BCO2: variants seen among roughly 807,000 people sequenced by gnomAD.
The protein encoded by BCO2 is carotenoid-cleaving dioxygenase, mitochondrial.
BCO2 carries 56 observed loss-of-function variants against 65.8 expected under a neutral mutation model. The ratio of observed to expected loss-of-function variants is 0.85; its 90% CI spans 0.69 to 1.06. BCO2 has a LOEUF of 1.06. Ranked by LOEUF, BCO2 falls within the 50% of genes least tolerant of loss-of-function variation. The probability of loss-of-function intolerance (pLI) is 0.00; values close to 1 mark genes in which losing one functional copy is unlikely to be tolerated. For synonymous variants in BCO2, 233 were observed against 242.3 expected (o/e 0.96, Z 0.36); for missense variants, 675 against 698.5 (o/e 0.97, Z 0.38).
chr11:112,180,363 C>G (rs545248724), intron 2 of BCO2, among the ~76,000 whole-genome samples: 14 of 152,148 alleles, frequency 9.2e-5, no homozygotes, highest in African/African-American at 3.4e-4. Flanking sequence ...TATTTTAATT[C>G]TCTACACAGT....
chr11:112,188,656 G>A (rs1867276555), intron 2 of BCO2, among the ~76,000 whole-genome samples: 1 of 151,854 alleles, frequency 6.6e-6, no homozygotes, highest in Non-Finnish European at 1.5e-5. Flanking sequence ...CTCTGCAATT[G>A]GCAGACATCC....
At chr11:112,175,724 C>T (rs1325672805) in intron 1 of BCO2, 35 bp downstream of exon 1, 8 of 1,543,938 alleles carry the variant, frequency 5.2e-6, no homozygotes, top group Admixed American at 3.3e-5. Context: ...CCTCATCCTC[C>T]TCTTCTTGCC....
At chr11:112,194,596 T>C (rs1867506807) in intron 4 of BCO2, 57 bp from the exon 5 acceptor site, 7 of 982,386 alleles carry the variant, frequency 7.1e-6, no homozygotes, top group Non-Finnish European at 1.1e-5. Context: ...TTCTACTATT[T>C]ATGCATGTGA....
chr11:112,210,760 A>T (rs1178665939), intron 8 of BCO2, among the ~76,000 whole-genome samples: 1 of 3,432 alleles, frequency 2.9e-4, no homozygotes, highest in African/African-American at 2.1e-3. Flanking sequence ...ATACACGCAC[A>T]CACACACACA....
At chr11:112,201,038 C>T (rs911261841) in intron 7 of BCO2, among the ~76,000 whole-genome samples, 1 of 152,122 alleles carries the variant, frequency 6.6e-6, no homozygotes, top group Non-Finnish European at 1.5e-5. Flanking sequence ...TTAGCATGGA[C>T]TTTTTCCATA....
chr11:112,177,930 C>T (rs866994150), intron 1 of BCO2, among the ~76,000 whole-genome samples: 4 of 127,032 alleles, frequency 3.1e-5, no homozygotes, highest in East Asian at 2.3e-4. Flanking sequence ...TTTTTTGAGA[C>T]GAAGTTTCGC....
At chr11:112,217,699 A>T in intron 11 of BCO2, 62 bp from the exon 12 acceptor site, 1 of 1,196,028 alleles carries the variant, frequency 8.4e-7, no homozygotes, top group Non-Finnish European at 1.2e-6. Flanking sequence ...AGCTTAGTGG[A>T]GGAGACAGGC....
rs753688280 is a variant in BCO2 at position 112,214,963 on chromosome 11, C to T, written c.1515+19C>T. On this transcript the variant is annotated intron_variant, in intron 10 of 11. Coordinates refer to ENST00000357685, the MANE Select transcript of BCO2 (RefSeq NM_031938.7). ...ACTGAAGGTGATGAAAAACTCTTTC[C>T]TTTTTGAACTTTTCAGAGACCTGTT... is the stretch of plus-strand genomic sequence containing the variant. 6.2e-6 allele frequency: 10 copies of T among 1,612,062 alleles called. No individual in the cohort carries two copies. The highest frequency in any genetic ancestry group is 1.7e-5 in the Admixed American group (1 of 60,012).
chr11:112,193,126 T>A (rs905415215), intron 2 of BCO2, among the ~76,000 whole-genome samples: 3 of 151,564 alleles, frequency 2.0e-5, no homozygotes, highest in Non-Finnish European at 4.4e-5. Context: ...TACAGGCGCA[T>A]GCCACCATGC....
In BCO2 at chr11:112,216,164, G is replaced by T. The variant is rs1412327129; in HGVS notation, c.1516-56G>T. 15 of 1,198,516 alleles carry T rather than the reference G, an allele frequency of 1.3e-5. No homozygotes were observed. In the Admixed American group the frequency reaches 1.5e-4, roughly 12 times the overall value. 74.2% of individuals were successfully genotyped at this position (1,198,516 alleles called of 1,614,324 possible). ...CATGCTTGGAGTGACAAAAGCCATA[G>T]AAAGCTCCCTACTTACTACTTGCCT... On this transcript the variant is annotated intron_variant, in intron 10 of 11. Coordinates refer to ENST00000357685, the MANE Select transcript of BCO2 (RefSeq NM_031938.7).
intron 2 of BCO2, among the ~76,000 whole-genome samples, chr11:112,191,102 C>T (rs1867375032): frequency 1.3e-5 from 2 of 151,510 alleles, no homozygotes; most frequent in African/African-American, 4.8e-5. Flanking sequence ...TCAGTATCTT[C>T]ACTACTGTTC....
At chr11:112,205,145 C>T (rs768656238) in intron 8 of BCO2, among the ~76,000 whole-genome samples, 2 of 152,204 alleles carry the variant, frequency 1.3e-5, no homozygotes, top group Middle Eastern at 3.4e-3. Context: ...TGTGGATTTT[C>T]GACTATGTAG....
intron 8 of BCO2, among the ~76,000 whole-genome samples, chr11:112,202,712 T>G (rs1327097637): frequency 6.6e-6 from 1 of 152,160 alleles, no homozygotes; most frequent in Non-Finnish European, 1.5e-5. Context: ...TAATACCTAA[T>G]AAGTAAGAAA....
In BCO2 at chr11:112,218,560, G is replaced by C. The variant is rs1319616140; in HGVS notation, c.*686G>C. 1 of 237,186 alleles carries C rather than the reference G, an allele frequency of 4.2e-6. No homozygotes were observed. Among genetic ancestry groups the C allele is most frequent in the Non-Finnish European group, 8.9e-6 (1 of 111,998 alleles). The allele number at this position is 237,186 out of a possible 1,614,324, so 14.7% of individuals were successfully genotyped here. On this transcript the variant is annotated 3_prime_UTR_variant, in exon 12 of 12. Coordinates refer to ENST00000357685, the MANE Select transcript of BCO2 (RefSeq NM_031938.7). ...TGAACACCAACTCACCCTAATTAAG[G>C]TTGATGACAACAAGAAACCAGAGGA... is the stretch of plus-strand genomic sequence containing the variant.
Position 112,218,065 on chromosome 11 carries a change from G to A in BCO2, c.*191G>A. 1.9e-6 allele frequency: 1 copy of A among 525,200 alleles called. No individual in the cohort carries two copies. Among genetic ancestry groups the A allele is most frequent in the Non-Finnish European group, 3.4e-6 (1 of 296,614 alleles). The allele number at this position is 525,200 out of a possible 1,614,324, so 32.5% of individuals were successfully genotyped here. Reference sequence around the variant, plus strand: ...TTCGTTAGAAGTCCAAACCTCAGCAGCACACAATATACTCATGTAACAAGC... The same window carrying A: ...TTCGTTAGAAGTCCAAACCTCAGCAACACACAATATACTCATGTAACAAGC... On this transcript the variant is annotated 3_prime_UTR_variant, in exon 12 of 12. Transcript: ENST00000357685.
intron 2 of BCO2, chr11:112,179,727 G>A: frequency 6.3e-6 from 3 of 475,006 alleles, no homozygotes; most frequent in Non-Finnish European, 1.1e-5. Context: ...GAAGAGAGGT[G>A]TCAGAAGCTG....
intron 5 of BCO2, among the ~76,000 whole-genome samples, chr11:112,197,853 A>G (rs1165745438): frequency 1.3e-5 from 2 of 152,170 alleles, no homozygotes; most frequent in African/African-American, 2.4e-5. Flanking sequence ...CCTAGCTGAT[A>G]CTTAAACACT....
At chr11:112,197,277 A>G (rs140535105) in intron 5 of BCO2, among the ~76,000 whole-genome samples, 1,856 of 152,318 alleles carry the variant, frequency 0.012, 16 homozygotes, top group Non-Finnish European at 0.02. Context: ...GGTCAGGTGC[A>G]GTGGCTTATG....
chr11:112,189,562 C>T (rs557266395), intron 2 of BCO2, among the ~76,000 whole-genome samples: 5 of 152,134 alleles, frequency 3.3e-5, no homozygotes, highest in African/African-American at 7.2e-5. Context: ...CCTGCCACCA[C>T]GCCTGGTTAA....
Sources: gnomAD v4.1 joint callset for allele counts (sites outside exome capture counted in the v4.1 genomes callset) on GRCh38, gnomAD v4.1.1 for gene constraint, MANE v1.5 for transcripts, NCBI Gene and HGNC (gene_info 2026-07-23, HGNC 2026-07-21) for gene names.